RB1CC1: variants seen among roughly 807,000 people sequenced by gnomAD.
RB1CC1 encodes the protein RB1 inducible coiled-coil 1, also known as RB1-inducible coiled-coil protein 1.
RB1CC1 carries 46 observed loss-of-function variants against 177.5 expected under a neutral mutation model. The ratio of observed to expected loss-of-function variants is 0.26; its 90% CI spans 0.20 to 0.33. RB1CC1 has a LOEUF of 0.33. Ranked by LOEUF, RB1CC1 falls within the 10% of genes least tolerant of loss-of-function variation. RB1CC1 has a pLI of 1.00. For synonymous variants in RB1CC1, 666 were observed against 613.6 expected (o/e 1.09, Z -1.26); for missense variants, 1,703 against 1,816.3 (o/e 0.94, Z 1.13).
intron 15 of RB1CC1, among the ~76,000 whole-genome samples, chr8:52,650,775 TGTA>T (rs1850505917): frequency 6.6e-6 from 1 of 152,136 alleles, no homozygotes; most frequent in Non-Finnish European, 1.5e-5. Context: ...AGTACACACT[TGTA>T]GTTGTTTGAA....
intron 1 of RB1CC1, among the ~76,000 whole-genome samples, chr8:52,691,719 A>G (rs1357416751): frequency 6.6e-6 from 1 of 152,136 alleles, no homozygotes; most frequent in African/African-American, 2.4e-5. Context: ...CACTCTCTAC[A>G]TCCTCACTAA....
At chr8:52,666,610 A>T (rs1265419222) in intron 8 of RB1CC1, among the ~76,000 whole-genome samples, 1 of 152,162 alleles carries the variant, frequency 6.6e-6, no homozygotes, top group African/African-American at 2.4e-5. Context: ...ACAGACTTTT[A>T]AACTGCTATG....
chr8:52,691,058 C>T (rs112433869), intron 1 of RB1CC1, among the ~76,000 whole-genome samples: 26 of 152,280 alleles, frequency 1.7e-4, no homozygotes, highest in East Asian at 7.7e-4. Flanking sequence ...CAAACTACTG[C>T]CTCAATAATA....
rs149914530 is a variant in RB1CC1 at position 52,664,543 on chromosome 8, C to T, written c.1174-2824G>A. 4.1e-3 allele frequency among the ~76,000 whole-genome samples: 620 copies of T among 152,182 alleles called. 6 individuals carry two copies. Among genetic ancestry groups the T allele is most frequent in the African/African-American group, 0.014 (594 of 41,542 alleles). On this transcript the variant is annotated intron_variant, in intron 8 of 23. Transcript: ENST00000025008. ...CATAGTTTAAAACAATAGCAAAATA[C>T]TACAAATAAATTAGGGGGAATGAAG...
intron 16 of RB1CC1, among the ~76,000 whole-genome samples, chr8:52,644,145 A>G (rs1274930048): frequency 1.3e-5 from 2 of 152,154 alleles, no homozygotes; most frequent in African/African-American, 4.8e-5. Flanking sequence ...GAAGATCACA[A>G]TTTGTAATTG....
chr8:52,635,647 T>C (rs900952074), intron 19 of RB1CC1, among the ~76,000 whole-genome samples: 1 of 152,178 alleles, frequency 6.6e-6, no homozygotes, highest in Non-Finnish European at 1.5e-5. Flanking sequence ...AAAAAGTATT[T>C]AATACTTTGT....
At chr8:52,678,613 T>C (rs190860629) in intron 5 of RB1CC1, among the ~76,000 whole-genome samples, 1 of 152,234 alleles carries the variant, frequency 6.6e-6, no homozygotes, top group Non-Finnish European at 1.5e-5. Context: ...AAGTATTTTC[T>C]CTATATATTT....
intron 1 of RB1CC1, among the ~76,000 whole-genome samples, chr8:52,701,131 T>C (rs1161530040): frequency 6.6e-6 from 1 of 152,132 alleles, no homozygotes; most frequent in Non-Finnish European, 1.5e-5. Context: ...CAGATCTTTT[T>C]TTTTTTTTGA....
chr8:52,642,748 C>T lies in RB1CC1; in HGVS notation c.4052G>A (p.Ser1351Asn). The T allele has an allele frequency of 1.3e-6, 2 of 1,584,048 alleles. No homozygotes were observed. The highest frequency in any genetic ancestry group is 1.7e-6 in the Non-Finnish European group (2 of 1,171,626). ...CTGCATTGTACTTTTCAACTTATCA[C>T]TAAGATCATTTATTATGTTTTCTTT... is the stretch of plus-strand genomic sequence containing the variant. ...MRKENIINDL[S>N]DKLKSTMQQQ... The change falls in exon 17 of 24, where the codon AGT becomes AAT. Residue 1351 changes from serine (S) to asparagine (N), a missense_variant. Ser to Asn is a conservative substitution (Grantham distance 46). Transcript: ENST00000025008.
chr8:52,709,204 T>C (rs904950560), intron 1 of RB1CC1, among the ~76,000 whole-genome samples: 2 of 151,926 alleles, frequency 1.3e-5, no homozygotes, highest in Non-Finnish European at 2.9e-5. Flanking sequence ...TGAAACTCCA[T>C]CTCAAAAAAA....
intron 5 of RB1CC1, among the ~76,000 whole-genome samples, chr8:52,681,602 A>G (rs1853723368): frequency 1.3e-5 from 2 of 152,174 alleles, no homozygotes; most frequent in South Asian, 4.1e-4. Flanking sequence ...TAAATCTGAA[A>G]AGAGGGCAGG....
At chr8:52,633,533 CAAGTT>C (rs1848913447) in intron 20 of RB1CC1, among the ~76,000 whole-genome samples, 2 of 152,086 alleles carry the variant, frequency 1.3e-5, no homozygotes, top group Admixed American at 6.5e-5. Context: ...TTTTGCTGTT[CAAGTT>C]AAGGTATAAA....
intron 18 of RB1CC1, among the ~76,000 whole-genome samples, chr8:52,641,574 C>T (rs768934036): frequency 8.5e-5 from 13 of 152,050 alleles, no homozygotes; most frequent in South Asian, 4.2e-4. Flanking sequence ...TCTGTTTGAA[C>T]GAGGGGACCA....
intron 15 of RB1CC1, among the ~76,000 whole-genome samples, chr8:52,648,072 C>T (rs1489017747): frequency 1.3e-5 from 2 of 152,020 alleles, no homozygotes; most frequent in African/African-American, 4.8e-5. Context: ...TGAGATAATA[C>T]AGGGACAAGA....
At chr8:52,706,119 TAGAGGGG>T (rs1433905285) in intron 1 of RB1CC1, among the ~76,000 whole-genome samples, 1 of 146,608 alleles carries the variant, frequency 6.8e-6, no homozygotes, top group Non-Finnish European at 1.5e-5. Flanking sequence ...CATTTATAAT[TAGAGGGG>T]AAAAACACAT....
chr8:52,663,982 G>A (rs1220940644), intron 8 of RB1CC1, among the ~76,000 whole-genome samples: 1 of 152,158 alleles, frequency 6.6e-6, no homozygotes, highest in Non-Finnish European at 1.5e-5. Context: ...CTGTGGTACA[G>A]GATAAGTACA....
At chr8:52,635,446 T>C (rs1335990465) in intron 19 of RB1CC1, among the ~76,000 whole-genome samples, 3 of 152,158 alleles carry the variant, frequency 2.0e-5, no homozygotes, top group Non-Finnish European at 4.4e-5. Flanking sequence ...AAAAAGGCAT[T>C]GTTGAAAATC....
intron 18 of RB1CC1, among the ~76,000 whole-genome samples, chr8:52,641,671 A>G (rs1051128727): frequency 6.6e-5 from 10 of 152,178 alleles, no homozygotes; most frequent in African/African-American, 2.4e-4. Context: ...CCCACTGGGC[A>G]TAATTCTTTG....
intron 1 of RB1CC1, among the ~76,000 whole-genome samples, chr8:52,698,670 G>GTTTTTTTTTTTTTTTTT (rs1183407164): frequency 5.2e-5 from 4 of 77,398 alleles, no homozygotes; most frequent in Non-Finnish European, 9.7e-5. Context: ...GTAATGGTTG[G>GTTTTTTTTTTTTTTTTT]TTTTTTTTTT....
Sources: allele counts gnomAD v4.1 joint callset (sites outside exome capture counted in the v4.1 genomes callset), GRCh38; gene constraint gnomAD v4.1.1; transcripts MANE v1.5; gene names NCBI Gene and HGNC (gene_info 2026-07-23, HGNC 2026-07-21).